Variants in CDH18 observed in about 807,000 individuals in gnomAD.
The protein encoded by CDH18 is cadherin-18.
In CDH18, 31 loss-of-function variants were observed where a neutral mutation model predicts 67.9. The ratio of observed to expected loss-of-function variants is 0.46; its 90% CI spans 0.34 to 0.62. The LOEUF (loss-of-function observed/expected upper bound fraction) is 0.62. Among genes scored for constraint, CDH18 ranks in the 20% least tolerant of loss-of-function variants. The pLI is 0.01. For synonymous variants in CDH18, 362 were observed against 347.2 expected (o/e 1.04, Z -0.48); for missense variants, 890 against 975.5 (o/e 0.91, Z 1.17).
chr5:19,498,523 T>C (rs940748906), intron 11 of CDH18, among the ~76,000 whole-genome samples: 2 of 152,336 alleles, frequency 1.3e-5, no homozygotes, highest in East Asian at 1.9e-4. Context: ...ATTATCTACA[T>C]ATCAGCCAAA....
chr5:20,113,158 T>G (rs2126357396), intron 2 of CDH18, among the ~76,000 whole-genome samples: 1 of 152,334 alleles, frequency 6.6e-6, no homozygotes, highest in East Asian at 1.9e-4. Flanking sequence ...TTAAGCATTT[T>G]ATTTCATTCT....
chr5:20,306,509 A>AT (rs1397785418), intron 1 of CDH18, among the ~76,000 whole-genome samples: 1 of 123,244 alleles, frequency 8.1e-6, no homozygotes. Flanking sequence ...TGCCGATAGG[A>AT]TTTGCCTCAA....
intron 1 of CDH18, among the ~76,000 whole-genome samples, chr5:20,462,400 G>A (rs12517972): frequency 0.28 from 43,198 of 151,930 alleles, 6,417 homozygotes; most frequent in East Asian, 0.39. Flanking sequence ...CAAACATACA[G>A]TTGGAAGATA....
intron 2 of CDH18, among the ~76,000 whole-genome samples, chr5:20,050,228 C>G (rs186471439): frequency 1.3e-5 from 2 of 151,838 alleles, no homozygotes; most frequent in East Asian, 3.9e-4. Context: ...TGTATTTTGT[C>G]TTTTTCTCAT....
chr5:20,389,012 G>C (rs1426405385), intron 1 of CDH18, among the ~76,000 whole-genome samples: 1 of 152,140 alleles, frequency 6.6e-6, no homozygotes, highest in East Asian at 1.9e-4. Context: ...GTGGTGCTGA[G>C]AAGGATGTAC....
intron 2 of CDH18, among the ~76,000 whole-genome samples, chr5:20,199,746 T>C (rs967040317): frequency 6.6e-6 from 1 of 152,178 alleles, no homozygotes; most frequent in Non-Finnish European, 1.5e-5. Flanking sequence ...AATCCTTACA[T>C]GTCATGGGAA....
At chr5:19,914,330 T>C (rs1287832782) in intron 2 of CDH18, among the ~76,000 whole-genome samples, 2 of 152,100 alleles carry the variant, frequency 1.3e-5, no homozygotes, top group Non-Finnish European at 2.9e-5. Flanking sequence ...TAAAGTTATA[T>C]ACTCTCCCCA....
intron 10 of CDH18, among the ~76,000 whole-genome samples, chr5:19,518,057 C>A (rs447505): frequency 6.6e-6 from 1 of 151,598 alleles, no homozygotes; most frequent in African/African-American, 2.4e-5. Context: ...TGTATGCATC[C>A]ATTTTTAATA....
At chr5:20,442,505 A>G (rs1749679736) in intron 1 of CDH18, among the ~76,000 whole-genome samples, 1 of 151,920 alleles carries the variant, frequency 6.6e-6, no homozygotes, top group African/African-American at 2.4e-5. Flanking sequence ...ATGTGCCATT[A>G]AGTGGTGCGC....
intron 1 of CDH18, among the ~76,000 whole-genome samples, chr5:20,560,549 T>C (rs1758152240): frequency 6.9e-6 from 1 of 145,812 alleles, no homozygotes; most frequent in Non-Finnish European, 1.5e-5. Context: ...TCAAAGGTAA[T>C]TCAAGAGCAG....
chr5:19,636,926 T>G (rs1199213971), intron 5 of CDH18, among the ~76,000 whole-genome samples: 2 of 152,160 alleles, frequency 1.3e-5, no homozygotes, highest in African/African-American at 4.8e-5. Flanking sequence ...GATTTACCTT[T>G]TATAAGTGGT....
At chr5:20,048,997 T>C (rs1442888982) in intron 2 of CDH18, among the ~76,000 whole-genome samples, 1 of 151,754 alleles carries the variant, frequency 6.6e-6, no homozygotes, top group Non-Finnish European at 1.5e-5. Context: ...AGAATTCAAA[T>C]AGTTTATTTT....
chr5:19,996,759 T>C (rs1446122646), intron 2 of CDH18, among the ~76,000 whole-genome samples: 2 of 152,018 alleles, frequency 1.3e-5, no homozygotes, highest in Non-Finnish European at 2.9e-5. Flanking sequence ...AATTGGGAAA[T>C]AAAATGGATT....
At chr5:19,738,634 C>A (rs1046453345) in intron 4 of CDH18, among the ~76,000 whole-genome samples, 1 of 152,134 alleles carries the variant, frequency 6.6e-6, no homozygotes, top group African/African-American at 2.4e-5. Context: ...TAAGTATTTT[C>A]TCTTGCAAAT....
chr5:19,906,590 C>T (rs1790568601), intron 2 of CDH18, among the ~76,000 whole-genome samples: 1 of 151,890 alleles, frequency 6.6e-6, no homozygotes, highest in Admixed American at 6.6e-5. Flanking sequence ...ATGAAGGACC[C>T]ACAGAATCCA....
chr5:19,571,874 G>C (rs772500492), intron 7 of CDH18, 42 bp from the exon 8 acceptor site: 15 of 1,495,114 alleles, frequency 1.0e-5, no homozygotes, highest in Non-Finnish European at 1.4e-5. Flanking sequence ...TATAAAAAAA[G>C]TCATATTATG....
chr5:20,512,843 T>C (rs2471140), intron 1 of CDH18, among the ~76,000 whole-genome samples: 107,596 of 149,724 alleles, frequency 0.72, 38,875 homozygotes, highest in East Asian at 0.98. Context: ...AAGATTGCAC[T>C]ACTGCACTCC....
At chr5:20,413,946 G>A (rs1747038450) in intron 1 of CDH18, among the ~76,000 whole-genome samples, 2 of 152,048 alleles carry the variant, frequency 1.3e-5, no homozygotes, top group South Asian at 2.1e-4. Context: ...ATGGTTTTAG[G>A]TCTAACATTT....
intron 4 of CDH18, among the ~76,000 whole-genome samples, chr5:19,744,169 T>A (rs1290902269): frequency 6.6e-6 from 1 of 151,964 alleles, no homozygotes; most frequent in Non-Finnish European, 1.5e-5. Flanking sequence ...GCTTAAGGTT[T>A]CCCATAAAAT....
Sources: allele counts gnomAD v4.1 joint callset (sites outside exome capture counted in the v4.1 genomes callset), GRCh38; gene constraint gnomAD v4.1.1; transcripts MANE v1.5; gene names NCBI Gene and HGNC (gene_info 2026-07-23, HGNC 2026-07-21).